CACNA1E: variants seen among roughly 807,000 people sequenced by gnomAD.
CACNA1E encodes calcium voltage-gated channel subunit alpha1 E, also known as voltage-dependent R-type calcium channel subunit alpha-1E.
CACNA1E carries 40 observed loss-of-function variants against 259.2 expected under a neutral mutation model. The ratio of observed to expected loss-of-function variants is 0.15; its 90% confidence interval spans 0.12 to 0.20. The LOEUF is 0.20. CACNA1E is among the 10% of genes least tolerant of loss of function. The pLI, the probability that CACNA1E is intolerant of heterozygous loss-of-function variation, is 1.00. For synonymous variants in CACNA1E, 1,104 were observed against 1,138.5 expected (o/e 0.97, Z 0.61); for missense variants, 1,874 against 3,040.1 (o/e 0.62, Z 9.02).
At chr1:181,548,622 A>G (rs1213615168) in intron 3 of CACNA1E, among the ~76,000 whole-genome samples, 1 of 152,196 alleles carries the variant, frequency 6.6e-6, no homozygotes, top group Non-Finnish European at 1.5e-5. Context: ...ATGAATAATG[A>G]CAGAGTTAAC....
intron 6 of CACNA1E, among the ~76,000 whole-genome samples, chr1:181,596,654 G>C (rs565781314): frequency 6.6e-6 from 1 of 151,694 alleles, no homozygotes; most frequent in East Asian, 2.0e-4. Flanking sequence ...TTTGCCAAGA[G>C]ACTCTTGGTC....
chr1:181,541,198 G>C (rs551515042), intron 3 of CACNA1E, among the ~76,000 whole-genome samples: 2 of 151,976 alleles, frequency 1.3e-5, no homozygotes, highest in South Asian at 4.2e-4. Context: ...TCCACTACGC[G>C]GGCAAAATAT....
intron 1 of CACNA1E, among the ~76,000 whole-genome samples, chr1:181,353,993 C>T (rs998276329): frequency 6.6e-6 from 1 of 152,244 alleles, no homozygotes; most frequent in East Asian, 1.9e-4. Context: ...TTTTAGTAAA[C>T]AGCCACTTCT....
In CACNA1E at chr1:181,732,415, G is replaced by A. The variant is rs368380946; in HGVS notation, c.2329G>A (p.Val777Met). ...RERRRRHHMSVWEQRTSQLRK... is the reference protein window; with the variant it reads ...RERRRRHHMSMWEQRTSQLRK... ...GCGGAGGCGCCGGCACCACATGTCC[G>A]TGTGGGAGCAGCGTACCAGCCAGCT... Residue 777 changes from valine to methionine, a missense_variant, in exon 20 of 48, where the codon GTG becomes ATG. Around this residue, in one of 14 missense-constraint regions of CACNA1E, gnomAD observed 476 missense variants for 514.0 expected, o/e 0.93. Transcript: ENST00000367573. This position sits in a 1 kb window ranked among gnomAD's most constrained non-coding sequence, Gnocchi z 5.5. 27 of 1,543,478 alleles carry A rather than the reference G, an allele frequency of 1.7e-5. No homozygotes were observed. The highest frequency in any genetic ancestry group is 4.9e-5 in the East Asian group (2 of 40,860).
At chr1:181,382,584 G>C (rs1571720674) in intron 1 of CACNA1E, among the ~76,000 whole-genome samples, 1 of 152,082 alleles carries the variant, frequency 6.6e-6, no homozygotes, top group South Asian at 2.1e-4. Context: ...CAAATCATTT[G>C]GGCCTTGAAA....
chr1:181,801,283 C>T lies in CACNA1E; in HGVS notation c.*2449C>T, dbSNP rs1460822435. The stretch of plus-strand genomic sequence containing the variant: ...TTTCAAGAGGAGAAATGCAGGCTGG[C>T]AGAGCAATTTCCAGAAATGGAATTT... On this transcript the variant is annotated 3_prime_UTR_variant, in exon 48 of 48. Coordinates refer to ENST00000367573, the MANE Select transcript of CACNA1E (RefSeq NM_001205293.3). The T allele has an allele frequency of 6.6e-6, 1 of 152,570 alleles. No homozygotes were observed. Among genetic ancestry groups the T allele is most frequent in the African/African-American group, 2.4e-5 (1 of 41,416 alleles). 9.5% of individuals were successfully genotyped at this position (152,570 alleles called of 1,614,324 possible). A position where few individuals can be genotyped will look rare whatever the true frequency, so the allele number is the denominator to read the frequency against.
chr1:181,505,802 G>A (rs933038581), intron 1 of CACNA1E, among the ~76,000 whole-genome samples: 3 of 152,104 alleles, frequency 2.0e-5, no homozygotes, highest in Admixed American at 1.3e-4. Context: ...TGTGGAGAGT[G>A]TGGGTACCTT....
chr1:181,709,758 G>T (rs994597368), intron 7 of CACNA1E, among the ~76,000 whole-genome samples: 2 of 152,116 alleles, frequency 1.3e-5, no homozygotes, highest in Non-Finnish European at 2.9e-5. Flanking sequence ...TTCCCAAAGT[G>T]CTGGGATTAC....
intron 1 of CACNA1E, among the ~76,000 whole-genome samples, chr1:181,340,372 T>C (rs1057270861): frequency 6.6e-6 from 1 of 152,140 alleles, no homozygotes; most frequent in African/African-American, 2.4e-5. Flanking sequence ...ATATGTTGTA[T>C]GGCTAGTCAT....
chr1:181,522,825 G>A (rs985165103), intron 3 of CACNA1E, among the ~76,000 whole-genome samples: 1 of 152,180 alleles, frequency 6.6e-6, no homozygotes, highest in African/African-American at 2.4e-5. Flanking sequence ...AGACGGGAAG[G>A]GAGTAAATGC....
At chr1:181,390,719 A>G (rs1656204919) in intron 1 of CACNA1E, among the ~76,000 whole-genome samples, 1 of 152,216 alleles carries the variant, frequency 6.6e-6, no homozygotes, top group African/African-American at 2.4e-5. Context: ...CTGTGGCTCA[A>G]CATCCTAGAA....
rs370518713 is a variant in CACNA1E at position 181,484,142 on chromosome 1, C to T, written c.266+132C>T. The T allele has an allele frequency of 7.0e-5, 62 of 881,166 alleles. 1 individual carries two copies. In the African/African-American group the frequency reaches 7.6e-4, roughly 11 times the overall value. The allele number at this position is 881,166 out of a possible 1,614,324, so 54.6% of individuals were successfully genotyped here. A position where few individuals can be genotyped will look rare whatever the true frequency, so the allele number is the denominator to read the frequency against. On this transcript the variant is annotated intron_variant, in intron 1 of 47. Transcript: ENST00000367573. The stretch of plus-strand genomic sequence containing the variant: ...TGCCCCTTTGCTGAAGCACACTCTT[C>T]GGTGCATCTAAGGGGCAAGCTTGGT...
At chr1:181,553,671 C>T (rs146440106) in intron 3 of CACNA1E, among the ~76,000 whole-genome samples, 3 of 152,162 alleles carry the variant, frequency 2.0e-5, no homozygotes, top group South Asian at 2.1e-4. Context: ...TTTTGAGATG[C>T]GTTCCATCAA....
intron 5 of CACNA1E, among the ~76,000 whole-genome samples, chr1:181,579,700 C>T (rs114945583): frequency 2.4e-3 from 369 of 152,322 alleles, no homozygotes; most frequent in Non-Finnish European, 3.8e-3. Context: ...TACCCCTTTA[C>T]TCTTTGTACA....
chr1:181,413,672 C>G (rs1255342500), intron 2 of CACNA1E: 1 of 152,708 alleles, frequency 6.5e-6, no homozygotes, highest in Non-Finnish European at 1.5e-5. Flanking sequence ...TGAGGCCGCC[C>G]TGGAGGGTCG....
intron 6 of CACNA1E, among the ~76,000 whole-genome samples, chr1:181,586,229 G>A (rs902260153): frequency 2.6e-5 from 4 of 152,188 alleles, no homozygotes; most frequent in African/African-American, 7.2e-5. Flanking sequence ...CACAGGTAAA[G>A]TATGTTGGGA....
At chr1:181,521,346 C>G (rs1666982169) in intron 3 of CACNA1E, among the ~76,000 whole-genome samples, 1 of 152,142 alleles carries the variant, frequency 6.6e-6, no homozygotes, top group African/African-American at 2.4e-5. Context: ...TGGGAGAGCT[C>G]AATCTGAAAT....
intron 2 of CACNA1E, among the ~76,000 whole-genome samples, chr1:181,476,944 G>T (rs10910940): frequency 6.6e-5 from 10 of 151,890 alleles, no homozygotes; most frequent in Non-Finnish European, 1.5e-4. Context: ...GCTAAACTCC[G>T]AACCTCCAAA....
At chr1:181,406,752 G>A (rs186420558) in intron 1 of CACNA1E, among the ~76,000 whole-genome samples, 56 of 152,280 alleles carry the variant, frequency 3.7e-4, no homozygotes, top group African/African-American at 1.0e-3. Context: ...GTAATTTGCC[G>A]AGGGATTCAG....
Sources: gnomAD v4.1 joint callset for allele counts (sites outside exome capture counted in the v4.1 genomes callset) on GRCh38, gnomAD v4.1.1 for gene constraint, gnomAD v4.1.1 regional missense constraint, Gnocchi (gnomAD v3.1) non-coding constraint, MANE v1.5 for transcripts, NCBI Gene and HGNC (gene_info 2026-07-23, HGNC 2026-07-21) for gene names.